CCDC141: variants seen among roughly 807,000 people sequenced by gnomAD.
CCDC141 encodes coiled-coil domain-containing protein 141.
In CCDC141, 168 loss-of-function variants were observed where a neutral mutation model predicts 181.0. The observed-to-expected ratio is 0.93, with a 90% confidence interval of 0.82 to 1.05. The LOEUF (loss-of-function observed/expected upper bound fraction) is 1.05. CCDC141 is among the 50% of genes least tolerant of loss of function. CCDC141 has a pLI of 0.00. For missense variants in CCDC141, 1,902 were observed against 1,788.5 expected (o/e 1.06, Z -1.14); for synonymous variants, 666 against 642.3 (o/e 1.04, Z -0.56).
intron 2 of CCDC141, among the ~76,000 whole-genome samples, chr2:179,036,280 T>G (rs1225764714): frequency 3.9e-5 from 6 of 152,216 alleles, no homozygotes; most frequent in Non-Finnish European, 8.8e-5. Context: ...ATGGTCATAC[T>G]CTAAACTCCT....
chr2:179,027,513 C>T lies in CCDC141; in HGVS notation c.225+19771G>A, dbSNP rs551041618. 3.2e-3 allele frequency among the ~76,000 whole-genome samples: 490 copies of T among 151,680 alleles called. 4 individuals are homozygous for T. Among genetic ancestry groups the T allele is most frequent in the African/African-American group, 0.011 (465 of 41,320 alleles). On this transcript the variant is annotated intron_variant, in intron 2 of 23. Coordinates refer to ENST00000443758, the MANE Select transcript of CCDC141 (RefSeq NM_173648.4). The stretch of plus-strand genomic sequence containing the variant: ...CAAAAAAAATAGCTGGGCATGGTGG[C>T]GGGTGCCTGTAGTCCCAGCTACTTG...
intron 2 of CCDC141, among the ~76,000 whole-genome samples, chr2:178,993,631 C>A (rs531966680): frequency 6.6e-6 from 1 of 152,258 alleles, no homozygotes; most frequent in East Asian, 1.9e-4. Context: ...ATATTGAAAA[C>A]CAATCATGCC....
At chr2:179,000,815 G>A (rs1374168787) in intron 2 of CCDC141, among the ~76,000 whole-genome samples, 8 of 152,124 alleles carry the variant, frequency 5.3e-5, no homozygotes, top group Admixed American at 5.2e-4. Context: ...TTATCCACAA[G>A]GCTTGATGCA....
intron 17 of CCDC141, among the ~76,000 whole-genome samples, chr2:178,857,318 G>C (rs1685430931): frequency 6.6e-6 from 1 of 152,166 alleles, no homozygotes; most frequent in Non-Finnish European, 1.5e-5. Flanking sequence ...AGATTTAGTA[G>C]AAAAATAACT....
Position 178,855,517 on chromosome 2 carries a change from C to A in CCDC141, c.2890G>T (p.Val964Phe), listed in dbSNP as rs1419866796. 1 of 1,588,684 alleles carries A rather than the reference C, an allele frequency of 6.3e-7. No individual in the cohort carries two copies. Among genetic ancestry groups the A allele is most frequent in the African/African-American group, 1.4e-5 (1 of 73,446 alleles). ...MQALKRKMEK[V>F]SNKTSDSFLN... ...AAAGAATCAGAGGTTTTATTACTAACTTTTTCCATTTTCCTTTTCAAAGCC... is the reference window on the plus strand; with the variant it reads ...AAAGAATCAGAGGTTTTATTACTAAATTTTTCCATTTTCCTTTTCAAAGCC... Residue 964 changes from valine to phenylalanine, a missense_variant, in exon 19 of 24, where the codon GTT becomes TTT. By Grantham distance (50) the Val-to-Phe change is conservative (BLOSUM62 -1). Transcript: ENST00000443758.
chr2:178,875,763 A>G (rs1325001332), intron 12 of CCDC141: 1 of 152,156 alleles, frequency 6.6e-6, no homozygotes, highest in African/African-American at 2.4e-5. Flanking sequence ...CCAGAACTAA[A>G]ATTTCTGAAA....
intron 4 of CCDC141, among the ~76,000 whole-genome samples, chr2:178,966,110 G>A (rs1306325541): frequency 2.0e-5 from 3 of 152,206 alleles, no homozygotes; most frequent in South Asian, 4.1e-4. Context: ...AAAGGCAGCC[G>A]CCCCAGTCAG....
At chr2:178,903,317 C>T (rs1287444799) in intron 8 of CCDC141, among the ~76,000 whole-genome samples, 1 of 151,220 alleles carries the variant, frequency 6.6e-6, no homozygotes, top group Non-Finnish European at 1.5e-5. Context: ...CGTATGTTTA[C>T]TGTGGCACTA....
chr2:179,029,524 G>A (rs965268824), intron 2 of CCDC141, among the ~76,000 whole-genome samples: 1 of 152,070 alleles, frequency 6.6e-6, no homozygotes, highest in Non-Finnish European at 1.5e-5. Context: ...GTTTTTCAAG[G>A]GGGTAAAAAC....
intron 5 of CCDC141, among the ~76,000 whole-genome samples, chr2:178,959,064 G>A (rs1247436838): frequency 1.3e-5 from 2 of 149,480 alleles, no homozygotes; most frequent in African/African-American, 4.9e-5. Context: ...AACACCCCAT[G>A]TTCTCACTCA....
intron 2 of CCDC141, among the ~76,000 whole-genome samples, chr2:178,980,411 C>T (rs558220386): frequency 1.3e-5 from 2 of 152,158 alleles, no homozygotes; most frequent in East Asian, 3.9e-4. Flanking sequence ...GATCGTGCCA[C>T]TGCACTCCAG....
chr2:178,951,923 G>A (rs1689967497), intron 5 of CCDC141, among the ~76,000 whole-genome samples: 3 of 152,114 alleles, frequency 2.0e-5, no homozygotes, highest in Admixed American at 2.0e-4. Flanking sequence ...ACCGACTTGG[G>A]GGCTTAATTA....
chr2:178,971,305 C>G (rs1690875138), intron 4 of CCDC141, among the ~76,000 whole-genome samples: 1 of 152,088 alleles, frequency 6.6e-6, no homozygotes, highest in Non-Finnish European at 1.5e-5. Context: ...ATGCAGCCAA[C>G]AAACATATGA....
At chr2:178,908,550 T>C (rs1688083998) in intron 7 of CCDC141, among the ~76,000 whole-genome samples, 1 of 152,206 alleles carries the variant, frequency 6.6e-6, no homozygotes, top group African/African-American at 2.4e-5. Flanking sequence ...CAAAATCATC[T>C]TCAACTCCCT....
chr2:179,033,993 C>T (rs1056720516), intron 2 of CCDC141, among the ~76,000 whole-genome samples: 1 of 152,072 alleles, frequency 6.6e-6, no homozygotes, highest in Admixed American at 6.6e-5. Context: ...TTTATTTCTC[C>T]TGTTATTATA....
At position 179,049,744 on chromosome 2, in the gene CCDC141, G is replaced by C. The variant is rs1226814663; in HGVS notation, c.102+96C>G. 4 of 1,347,742 alleles carry C rather than the reference G, an allele frequency of 3.0e-6. No individual in the cohort carries two copies. In the African/African-American group the frequency reaches 5.8e-5, roughly 20 times the overall value. The allele number at this position is 1,347,742 out of a possible 1,614,324, so 83.5% of individuals were successfully genotyped here. On this transcript the variant is annotated intron_variant, in intron 1 of 23. Transcript: ENST00000443758. ...GTGCTTGCTGCGTTGTCTTCTCTAT[G>C]CTGTGTCCTGCCGATTGCATGGAAT...
chr2:178,874,139 C>A (rs935521985), intron 12 of CCDC141: 2 of 152,146 alleles, frequency 1.3e-5, no homozygotes, highest in African/African-American at 4.8e-5. Context: ...CATGATTCAA[C>A]AATAATGTTT....
chr2:178,934,953 C>T (rs183640758), intron 6 of CCDC141, among the ~76,000 whole-genome samples: 279 of 152,170 alleles, frequency 1.8e-3, no homozygotes, highest in African/African-American at 6.4e-3. Context: ...ATGCTGCTTA[C>T]TATTTAAGGA....
At chr2:178,844,311 T>C (rs1365714333) in intron 22 of CCDC141, among the ~76,000 whole-genome samples, 1 of 152,152 alleles carries the variant, frequency 6.6e-6, no homozygotes, top group Non-Finnish European at 1.5e-5. Context: ...CATTCTCAAA[T>C]GAAGTGATTT....
Sources: gnomAD v4.1 joint callset for allele counts (sites outside exome capture counted in the v4.1 genomes callset) on GRCh38, gnomAD v4.1.1 for gene constraint, MANE v1.5 for transcripts, NCBI Gene and HGNC (gene_info 2026-07-23, HGNC 2026-07-21) for gene names.